CFAP54: variants seen among roughly 807,000 people sequenced by gnomAD.
CFAP54 encodes cilia- and flagella-associated protein 54.
CFAP54 carries 290 observed loss-of-function variants against 370.4 expected under a neutral mutation model. The ratio of observed to expected loss-of-function variants is 0.78; its 90% CI spans 0.71 to 0.86. The LOEUF (loss-of-function observed/expected upper bound fraction) is 0.86, where lower values mean the gene tolerates loss of function less well. CFAP54 is among the 40% of genes least tolerant of loss of function. CFAP54 has a pLI of 0.00. For missense variants in CFAP54, 3,399 were observed against 3,528.7 expected (o/e 0.96, Z 0.93); for synonymous variants, 1,206 against 1,236.5 (o/e 0.98, Z 0.52).
At chr12:96,682,352 T>G in intron 40 of CFAP54, 6 of 981,430 alleles carry the variant, frequency 6.1e-6, no homozygotes, top group Non-Finnish European at 7.3e-6. Context: ...AGTTAGCCAT[T>G]ATGTACTCAT....
intron 32 of CFAP54, among the ~76,000 whole-genome samples, chr12:96,640,732 A>G (rs189267440): frequency 6.6e-6 from 1 of 152,340 alleles, no homozygotes; most frequent in African/African-American, 2.4e-5. Flanking sequence ...ACAGAGATAT[A>G]GACTAATGGA....
At chr12:96,609,560 C>G (rs1402632386) in intron 26 of CFAP54, among the ~76,000 whole-genome samples, 1 of 152,046 alleles carries the variant, frequency 6.6e-6, no homozygotes, top group Non-Finnish European at 1.5e-5. Flanking sequence ...CAGTGAGATT[C>G]AGTATTTTTA....
chr12:96,730,361 ATAT>A (rs1957907105), intron 50 of CFAP54, among the ~76,000 whole-genome samples: 1 of 152,236 alleles, frequency 6.6e-6, no homozygotes, highest in African/African-American at 2.4e-5. Context: ...ACCGAGTCAA[ATAT>A]TATAAATCAG....
intron 44 of CFAP54, among the ~76,000 whole-genome samples, chr12:96,692,939 T>C (rs1160593361): frequency 1.3e-5 from 2 of 152,200 alleles, no homozygotes; most frequent in South Asian, 2.1e-4. Context: ...CAGGTTTGAT[T>C]TGAGGTCAGG....
chr12:96,636,644 T>C (rs2136482162), intron 32 of CFAP54, among the ~76,000 whole-genome samples: 1 of 152,276 alleles, frequency 6.6e-6, no homozygotes, highest in South Asian at 2.1e-4. Context: ...GTTTATTACT[T>C]TCTATCTTCC....
At chr12:96,784,315 A>C (rs1194896229) in intron 60 of CFAP54, among the ~76,000 whole-genome samples, 1 of 152,066 alleles carries the variant, frequency 6.6e-6, no homozygotes, top group Non-Finnish European at 1.5e-5. Context: ...ATGAAATGCT[A>C]TTTCATTTTA....
Position 96,507,044 on chromosome 12 carries a change from G to T in CFAP54, c.684G>T (p.Arg228Ser). 1 of 1,535,308 alleles carries T rather than the reference G, an allele frequency of 6.5e-7. No individual in the cohort carries two copies. The highest frequency in any genetic ancestry group is 8.7e-7 in the Non-Finnish European group (1 of 1,146,608). Residue 228 changes from arginine (R) to serine (S), a missense_variant, in exon 4 of 68, where the codon AGG (arginine) becomes AGT (serine). Arg to Ser is a moderately radical substitution (Grantham distance 110). Around this residue, in one of 3 missense-constraint regions of CFAP54, gnomAD observed 559 missense variants for 576.7 expected, o/e 0.97. Coordinates refer to ENST00000524981, the MANE Select transcript of CFAP54 (RefSeq NM_001306084.2). ...VQCLHILSSL[R>S]LIMQVALPQE... is the part of the protein sequence containing the mutation. ...GTCTGCATATCTTGTCCTCCTTAAG[G>T]CTCATCATGCAAGTGGCTCTGCCAC...
At position 96,811,749 on chromosome 12, in the gene CFAP54, A is replaced by G. The variant is rs1230665616; in HGVS notation, c.8864A>G (p.Tyr2955Cys). The G allele has an allele frequency of 2.7e-6, 4 of 1,491,948 alleles. No homozygotes were observed. The highest frequency in any genetic ancestry group is 2.8e-5 in the African/African-American group (2 of 70,708). 92.4% of individuals were successfully genotyped at this position (1,491,948 alleles called of 1,614,324 possible). A position where few individuals can be genotyped will look rare whatever the true frequency, so the allele number is the denominator to read the frequency against. ...KETEPMVLLL[Y>C]AYNLKPLKIS... ...TTTTTCTTATAGGTTTTATTGTTGT[A>G]TGCATATAATTTGAAGCCTCTGAAG... is the stretch of plus-strand genomic sequence containing the variant. The change falls in exon 64 of 68, where the codon TAT becomes TGT. Residue 2955 changes from tyrosine (Y) to cysteine (C), a missense_variant. Physicochemically the swap from Tyr to Cys is radical, Grantham distance 194 (BLOSUM62 -2). Around this residue, in one of 3 missense-constraint regions of CFAP54, gnomAD observed 2,796 missense variants for 2,869.7 expected, o/e 0.97. Coordinates refer to ENST00000524981, the MANE Select transcript of CFAP54 (RefSeq NM_001306084.2).
intron 47 of CFAP54, among the ~76,000 whole-genome samples, chr12:96,705,230 G>A (rs1957535417): frequency 6.6e-6 from 1 of 152,038 alleles, no homozygotes; most frequent in South Asian, 2.1e-4. Flanking sequence ...CTAGGAAACA[G>A]CATTAAGTAA....
chr12:96,747,402 A>G (rs555766210), intron 55 of CFAP54, among the ~76,000 whole-genome samples: 1 of 152,310 alleles, frequency 6.6e-6, no homozygotes, highest in South Asian at 2.1e-4. Flanking sequence ...ATCTGCTATA[A>G]TGAACTACAA....
chr12:96,556,448 A>G (rs1326237207), intron 17 of CFAP54, among the ~76,000 whole-genome samples: 2 of 151,684 alleles, frequency 1.3e-5, no homozygotes, highest in African/African-American at 4.8e-5. Context: ...TCCCCCATAC[A>G]TTTTTCACAA....
Position 96,799,831 on chromosome 12 carries a change from T to C in CFAP54, c.8850+7332T>C, listed in dbSNP as rs570265580. Among the ~76,000 whole-genome samples, 277 of 152,304 alleles carry C rather than the reference T, an allele frequency of 1.8e-3. 3 individuals carry two copies. Among genetic ancestry groups the C allele is most frequent in the Non-Finnish European group, 2.6e-3 (180 of 68,012 alleles). The stretch of plus-strand genomic sequence containing the variant: ...ATGGGTCAAGGAGTATAGTGAATCA[T>C]AAATAGCATTTTTTAAAAAGAAATG... On this transcript the variant is annotated intron_variant, in intron 63 of 67. Coordinates refer to ENST00000524981, the MANE Select transcript of CFAP54 (RefSeq NM_001306084.2).
At chr12:96,499,546 G>A (rs10860046) in intron 1 of CFAP54, among the ~76,000 whole-genome samples, 79,506 of 151,972 alleles carry the variant, frequency 0.52, 21,260 homozygotes, top group East Asian at 0.69. Context: ...CCACTTTGGA[G>A]GACAGGTGGT....
intron 50 of CFAP54, among the ~76,000 whole-genome samples, chr12:96,739,328 G>T (rs1445401784): frequency 6.7e-6 from 1 of 149,428 alleles, no homozygotes. Flanking sequence ...TTTACTATTC[G>T]ACAGGGGAGG....
rs552967989 is a variant in CFAP54 at position 96,564,785 on chromosome 12, T to C, written c.2619+20T>C. On this transcript the variant is annotated intron_variant, in intron 19 of 67. Coordinates refer to ENST00000524981, the MANE Select transcript of CFAP54 (RefSeq NM_001306084.2). ...TTGATGGTAACAGTATTTCATTTCT[T>C]CTTTTAATCCTGACATAAAATTTCT... The C allele has an allele frequency of 3.3e-5, 19 of 575,532 alleles. No homozygotes were observed. The highest frequency in any genetic ancestry group is 5.8e-5 in the Non-Finnish European group (19 of 330,138). The allele number at this position is 575,532 out of a possible 1,614,324, so 35.7% of individuals were successfully genotyped here. A position where few individuals can be genotyped will look rare whatever the true frequency, so the allele number is the denominator to read the frequency against.
At chr12:96,810,470 T>G (rs1289333159) in intron 63 of CFAP54, among the ~76,000 whole-genome samples, 1 of 152,108 alleles carries the variant, frequency 6.6e-6, no homozygotes, top group African/African-American at 2.4e-5. Flanking sequence ...TTCTAAAGAT[T>G]TGGGTCTAAT....
At position 96,533,851 on chromosome 12, in the gene CFAP54, A is replaced by G. The variant is rs1955470371; in HGVS notation, c.1417A>G (p.Met473Val). ...DFPKTSLLEL[M>V]IGRKDVISVD... Reference sequence around the variant, plus strand: ...TCCAAAAACATCTCTTCTGGAACTTATGATAGGAAGAAAAGATGTTATTTC... The same window carrying G: ...TCCAAAAACATCTCTTCTGGAACTTGTGATAGGAAGAAAAGATGTTATTTC... Residue 473 changes from methionine to valine, a missense_variant, in exon 10 of 68, where the codon ATG becomes GTG. Met to Val is a conservative substitution (Grantham distance 21, BLOSUM62 1). This residue lies in a region of CFAP54 where 559 missense variants were observed against 576.7 expected (regional missense o/e 0.97). Coordinates refer to ENST00000524981, the MANE Select transcript of CFAP54 (RefSeq NM_001306084.2). 6.5e-7 allele frequency: 1 copy of G among 1,534,976 alleles called. No individual in the cohort carries two copies. The highest frequency in any genetic ancestry group is 1.4e-5 in the African/African-American group (1 of 73,020).
chr12:96,731,477 T>C (rs956079517), intron 50 of CFAP54, among the ~76,000 whole-genome samples: 1 of 152,226 alleles, frequency 6.6e-6, no homozygotes, highest in Non-Finnish European at 1.5e-5. Flanking sequence ...GACTTGAGTA[T>C]TTGGCAAATA....
Position 96,695,427 on chromosome 12 carries a change from T to C in CFAP54, c.6351+1619T>C, listed in dbSNP as rs1381152964. ...AAATTAAGAATTCTAGTGCTGATTA[T>C]TAATAATTTTAACCTGGGAATAAAT... On this transcript the variant is annotated intron_variant, in intron 45 of 67. Transcript: ENST00000524981. Among the ~76,000 whole-genome samples, 7 of 152,350 alleles carry C rather than the reference T, an allele frequency of 4.6e-5. No homozygotes were observed. In the South Asian group the frequency reaches 1.4e-3, roughly 32 times the overall value.
Sources: allele counts gnomAD v4.1 joint callset (sites outside exome capture counted in the v4.1 genomes callset), GRCh38; gene constraint gnomAD v4.1.1; regional missense constraint gnomAD v4.1.1; transcripts MANE v1.5; gene names NCBI Gene and HGNC (gene_info 2026-07-23, HGNC 2026-07-21).